GSN: variants seen among roughly 807,000 people sequenced by gnomAD.
GSN encodes the protein gelsolin.
Under a neutral mutation model 85.7 loss-of-function variants are expected in GSN, and 56 were observed. The observed-to-expected ratio is 0.65, with a 90% confidence interval of 0.53 to 0.82. The LOEUF (loss-of-function observed/expected upper bound fraction) is 0.82, where lower values mean the gene tolerates loss of function less well. Among genes scored for constraint, GSN ranks in the 40% least tolerant of loss-of-function variants. GSN has a pLI of 0.00. For missense variants in GSN, 857 were observed against 979.8 expected (o/e 0.87, Z 1.67); for synonymous variants, 373 against 399.1 (o/e 0.93, Z 0.78).
intron 11 of GSN, among the ~76,000 whole-genome samples, chr9:121,324,267 C>T (rs1180438996): frequency 6.6e-6 from 1 of 152,234 alleles, no homozygotes; most frequent in African/African-American, 2.4e-5. Context: ...AGCATCTTCT[C>T]TGTGGCTGTT....
intron 4 of GSN, among the ~76,000 whole-genome samples, chr9:121,304,073 G>T (rs2060165006): frequency 6.6e-6 from 1 of 152,236 alleles, no homozygotes; most frequent in Non-Finnish European, 1.5e-5. Flanking sequence ...TAGGGTCCAA[G>T]CCTGTCTGTG....
At position 121,271,311 on chromosome 9, in the gene GSN, G is replaced by A. The variant is rs990405270; in HGVS notation, c.-103+3092G>A. 5.3e-5 allele frequency among the ~76,000 whole-genome samples: 8 copies of A among 152,180 alleles called. No homozygotes were observed. In the East Asian group the frequency reaches 5.8e-4, roughly 11 times the overall value. On this transcript the variant is annotated intron_variant, in intron 1 of 17. Transcript: ENST00000432226. ...GGAGGTTACAGTAAGCTGAAATCACGCCACTGCACTCCAGCCTGGATGACA... is the reference window on the plus strand; with the variant it reads ...GGAGGTTACAGTAAGCTGAAATCACACCACTGCACTCCAGCCTGGATGACA...
chr9:121,202,590 C>A, the GSN span, among the ~76,000 whole-genome samples: 1 of 152,210 alleles, frequency 6.6e-6, no homozygotes, highest in Non-Finnish European at 1.5e-5. Flanking sequence ...ATAATCACTG[C>A]CCCAGAAGGT....
the GSN span, chr9:121,201,934 G>A: frequency 6.5e-6 from 1 of 153,404 alleles, no homozygotes; most frequent in Non-Finnish European, 1.4e-5. Context: ...AAAGAAGGGG[G>A]AGAAGATGCG....
chr9:121,327,298 AC>A lies in GSN; in HGVS notation c.1588-7del. ...TCTGGTTCCTGATTAACCAAGCTGT[AC>A]CCTCCCAGGTATTGCCTAAGGCTGG... On this transcript the variant is annotated splice_polypyrimidine_tract_variant and intron_variant, in intron 13 of 17. Transcript: ENST00000432226. 6.2e-7 allele frequency: 1 copy of A among 1,612,246 alleles called. No individual in the cohort carries two copies. Among genetic ancestry groups the A allele is most frequent in the South Asian group, 1.1e-5 (1 of 91,036 alleles).
intron 2 of GSN, among the ~76,000 whole-genome samples, chr9:121,294,724 C>G (rs1298803707): frequency 2.0e-5 from 3 of 152,242 alleles, no homozygotes; most frequent in Non-Finnish European, 4.4e-5. Flanking sequence ...AGACCCAGGC[C>G]TCAGTTCTGG....
chr9:121,285,982 G>A, intron 2 of GSN: 1 of 747,792 alleles, frequency 1.3e-6, no homozygotes, highest in Non-Finnish European at 2.3e-6. Flanking sequence ...TTTTAATTGT[G>A]TTGAGGAGAA....
chr9:121,205,468 A>C (rs2053867350), upstream of GSN, among the ~76,000 whole-genome samples: 1 of 152,198 alleles, frequency 6.6e-6, no homozygotes, highest in Non-Finnish European at 1.5e-5. Flanking sequence ...TGCTTCCTGC[A>C]CAAAGGAGAA....
At chr9:121,276,744 G>C (rs2056724888) in intron 1 of GSN, among the ~76,000 whole-genome samples, 1 of 152,034 alleles carries the variant, frequency 6.6e-6, no homozygotes, top group Admixed American at 6.5e-5. Flanking sequence ...GAAACCTAAG[G>C]CCTGACTAAG....
chr9:121,312,577 G>GA, intron 6 of GSN, 89 bp downstream of exon 6: 2 of 964,544 alleles, frequency 2.1e-6, no homozygotes, highest in Non-Finnish European at 2.9e-6. Context: ...GTGAATTTGA[G>GA]GAAAAAAAAA....
At chr9:121,278,452 C>T (rs1564398899) in intron 1 of GSN, among the ~76,000 whole-genome samples, 1 of 152,170 alleles carries the variant, frequency 6.6e-6, no homozygotes, top group Non-Finnish European at 1.5e-5. Context: ...GCTCCAGTAT[C>T]CCCCCATCCC....
chr9:121,235,292 A>G (rs144276171), intron 5 of GSN, among the ~76,000 whole-genome samples: 99 of 152,322 alleles, frequency 6.5e-4, no homozygotes, highest in South Asian at 2.1e-3. Context: ...AAATCAAGAT[A>G]CCTGATGCTT....
intron 6 of GSN, among the ~76,000 whole-genome samples, chr9:121,257,372 G>A (rs1041574066): frequency 6.6e-6 from 1 of 152,158 alleles, no homozygotes; most frequent in African/African-American, 2.4e-5. Context: ...TTTCCAGTTT[G>A]CAAATGAGAA....
intron 12 of GSN, among the ~76,000 whole-genome samples, chr9:121,325,021 C>T (rs1262132975): frequency 6.6e-6 from 1 of 152,186 alleles, no homozygotes; most frequent in East Asian, 1.9e-4. Context: ...GATGTGGAAC[C>T]AGCATGCTTG....
At chr9:121,307,546 G>A (rs1050818550) in intron 4 of GSN, among the ~76,000 whole-genome samples, 9 of 152,164 alleles carry the variant, frequency 5.9e-5, no homozygotes, top group Admixed American at 1.3e-4. Flanking sequence ...CAGCACTGCC[G>A]CCCAGCACTG....
At chr9:121,204,197 G>A (rs1468070463), upstream of GSN, among the ~76,000 whole-genome samples, 1 of 152,190 alleles carries the variant, frequency 6.6e-6, no homozygotes, top group Non-Finnish European at 1.5e-5. Context: ...ACATCCGCAT[G>A]AAGTCAGTAC....
At chr9:121,303,909 G>A (rs2060149756) in intron 4 of GSN, among the ~76,000 whole-genome samples, 1 of 152,238 alleles carries the variant, frequency 6.6e-6, no homozygotes, top group Admixed American at 6.5e-5. Context: ...ATTTTACCAG[G>A]GGAGAAGGGG....
chr9:121,332,585 G>T lies in GSN; in HGVS notation c.2178G>T (p.Met726Ile), dbSNP rs2064079734. 1 of 1,613,766 alleles carries T rather than the reference G, an allele frequency of 6.2e-7. No individual in the cohort carries two copies. The highest frequency in any genetic ancestry group is 1.3e-5 in the African/African-American group (1 of 75,030). The change falls in exon 18 of 18, where the codon ATG becomes ATT. Residue 726 changes from methionine (M) to isoleucine (I), a missense_variant. Physicochemically the swap from Met to Ile is conservative, Grantham distance 10 (BLOSUM62 1). Transcript: ENST00000432226. This position sits in a 1 kb window ranked among gnomAD's most constrained non-coding sequence, Gnocchi z 4.8. ...CTGTGGACCCCTTGGACAGGGCCAT[G>T]GCTGAGCTGGCTGCCTGAGGAGGGG... ...YWSVDPLDRA[M>I]AELAA
At chr9:121,242,755 G>A (rs1005505211) in intron 5 of GSN, among the ~76,000 whole-genome samples, 20 of 152,266 alleles carry the variant, frequency 1.3e-4, no homozygotes, top group Non-Finnish European at 2.5e-4. Context: ...GCAGGAGGAA[G>A]CCTGATTACT....
Sources: gnomAD v4.1 joint callset for allele counts (sites outside exome capture counted in the v4.1 genomes callset) on GRCh38, gnomAD v4.1.1 for gene constraint, Gnocchi (gnomAD v3.1) non-coding constraint, MANE v1.5 for transcripts, NCBI Gene and HGNC (gene_info 2026-07-23, HGNC 2026-07-21) for gene names.